The following KAZN variants were observed in gnomAD, a reference collection of about 807,000 sequenced individuals.
The protein encoded by KAZN is kazrin.
Under a neutral mutation model 87.4 loss-of-function variants are expected in KAZN, and 40 were observed. The ratio of observed to expected loss-of-function variants is 0.46; its 90% CI spans 0.36 to 0.60. The LOEUF (loss-of-function observed/expected upper bound fraction) is 0.60, where lower values mean the gene tolerates loss of function less well. Ranked by LOEUF, KAZN falls within the 20% of genes least tolerant of loss-of-function variation. The pLI, the probability that KAZN is intolerant of heterozygous loss-of-function variation, is 0.00. For missense variants in KAZN, 898 were observed against 1,073.9 expected, an observed-to-expected ratio of 0.84 and a Z score of 2.29; for synonymous variants, 466 against 458.3, an observed-to-expected ratio of 1.02 and a Z score of -0.22.
chr1:14,073,706 C>T (rs916274244), intron 1 of KAZN, among the ~76,000 whole-genome samples: 11 of 152,112 alleles, frequency 7.2e-5, no homozygotes, highest in African/African-American at 2.2e-4. Context: ...CAGCTTCATC[C>T]GTGTCCCTGC....
intron 2 of KAZN, among the ~76,000 whole-genome samples, chr1:14,253,238 A>T (rs6673156): frequency 6.6e-6 from 1 of 151,758 alleles, no homozygotes; most frequent in African/African-American, 2.4e-5. Context: ...CTTTTCTGCC[A>T]TATTATTACG....
intron 1 of KAZN, among the ~76,000 whole-genome samples, chr1:14,650,232 T>A (rs1296542557): frequency 2.0e-5 from 3 of 151,996 alleles, no homozygotes; most frequent in Non-Finnish European, 4.4e-5. Flanking sequence ...ATATTAAAAA[T>A]TTACAAGAAA....
At chr1:13,951,851 A>C (rs1229751042) in intron 1 of KAZN, among the ~76,000 whole-genome samples, 1 of 152,122 alleles carries the variant, frequency 6.6e-6, no homozygotes, top group Non-Finnish European at 1.5e-5. Flanking sequence ...CTCAAGTAAA[A>C]GTGCCTTAAG....
chr1:14,255,103 G>A (rs1207617006), intron 2 of KAZN, among the ~76,000 whole-genome samples: 4 of 117,844 alleles, frequency 3.4e-5, no homozygotes, highest in Non-Finnish European at 3.3e-5. Context: ...CTGGGCAACA[G>A]ACCAAGACTC....
At chr1:14,627,199 G>A (rs952377740) in intron 1 of KAZN, among the ~76,000 whole-genome samples, 10 of 151,912 alleles carry the variant, frequency 6.6e-5, no homozygotes, top group South Asian at 2.1e-4. Context: ...TTCTCAGAGC[G>A]GGAAGGGTGT....
At chr1:14,384,302 T>C (rs1252101541) in intron 2 of KAZN, among the ~76,000 whole-genome samples, 2 of 152,002 alleles carry the variant, frequency 1.3e-5, no homozygotes, top group African/African-American at 4.8e-5. Flanking sequence ...TTGAATACCC[T>C]TTATTTCCTT....
At position 14,269,582 on chromosome 1, in the gene KAZN, G is replaced by A. The variant is rs74872830; in HGVS notation, c.249+88990G>A. Among the ~76,000 whole-genome samples, 736 of 152,270 alleles carry A rather than the reference G, an allele frequency of 4.8e-3. 7 individuals are homozygous for A. Among genetic ancestry groups the A allele is most frequent in the African/African-American group, 0.017 (708 of 41,562 alleles). ...AAAAGCCTAGAATTGGAAGACAGTG[G>A]TAAAAACATGTGGGCTGGGTTGGAG... On this transcript the variant is annotated intron_variant, in intron 2 of 16. Coordinates refer to the KAZN transcript ENST00000636203.
At chr1:14,212,197 C>T (rs74419353) in intron 2 of KAZN, among the ~76,000 whole-genome samples, 18 of 152,190 alleles carry the variant, frequency 1.2e-4, no homozygotes, top group East Asian at 5.8e-4. Context: ...GTTATGCAGA[C>T]GGTTGGCATC....
rs543634072 is a variant in KAZN, at chr1:14,945,214, T to G, written c.227-15470T>G. 6.2e-3 allele frequency among the ~76,000 whole-genome samples: 941 copies of G among 152,330 alleles called. 4 individuals carry two copies. The highest frequency in any genetic ancestry group is 8.6e-3 in the Non-Finnish European group (587 of 68,030). ...CTGCAGGCCTCGCAGCTATAGATGG[T>G]GGAAGTCCAGTGCTGGAGGCTGAGT... On this transcript the variant is annotated intron_variant, in intron 1 of 14. Transcript: ENST00000376030.
Position 14,827,351 on chromosome 1 carries a change from C to T in KAZN, c.227-133333C>T, listed in dbSNP as rs377645719. 2.2e-4 allele frequency among the ~76,000 whole-genome samples: 34 copies of T among 152,132 alleles called. 1 individual carries two copies. The East Asian group carries it at 4.8e-3, about 22-fold the overall frequency. ...GGTGATTTGTGAGATTTTGGTGCAC[C>T]CATCACCCGAGCAGTGTACACTGAA... On this transcript the variant is annotated intron_variant, in intron 1 of 14. Transcript: ENST00000376030.
At chr1:14,378,920 G>C (rs1437405784) in intron 2 of KAZN, among the ~76,000 whole-genome samples, 1 of 151,702 alleles carries the variant, frequency 6.6e-6, no homozygotes, top group Non-Finnish European at 1.5e-5. Flanking sequence ...GGACAGCTAA[G>C]GGAGTGCATG....
chr1:14,447,520 T>G (rs12134939), intron 2 of KAZN, among the ~76,000 whole-genome samples: 39,830 of 152,068 alleles, frequency 0.26, 6,116 homozygotes, highest in Middle Eastern at 0.46. Flanking sequence ...ATTACAGGCA[T>G]GAGCCACCGC....
Position 14,658,062 on chromosome 1 carries a change from C to T in KAZN, c.226+58839C>T, listed in dbSNP as rs566860752. Among the ~76,000 whole-genome samples, 195 of 152,252 alleles carry T rather than the reference C, an allele frequency of 1.3e-3. 1 individual carries two copies. The highest frequency in any genetic ancestry group is 6.8e-3 in the Middle Eastern group (2 of 294). On this transcript the variant is annotated intron_variant, in intron 1 of 14. Transcript: ENST00000376030. ...CCCTGGAAAAGTCAGTGTCCTTAGG[C>T]AAAGCAATTGCACCTGGAGTCTTGT...
chr1:15,072,558 G>A (rs61772198), intron 8 of KAZN, among the ~76,000 whole-genome samples: 11,227 of 152,256 alleles, frequency 0.074, 502 homozygotes, highest in East Asian at 0.18. Flanking sequence ...CTGGAAGTCA[G>A]GGCTGCCTCA....
intron 2 of KAZN, among the ~76,000 whole-genome samples, chr1:14,587,794 G>A (rs554877140): frequency 1.3e-5 from 2 of 152,200 alleles, no homozygotes; most frequent in East Asian, 1.9e-4. Flanking sequence ...ATTTCATTTC[G>A]ACATGAGATT....
At chr1:14,420,139 A>G (rs1025957214) in intron 2 of KAZN, among the ~76,000 whole-genome samples, 6 of 152,230 alleles carry the variant, frequency 3.9e-5, no homozygotes, top group Admixed American at 1.3e-4. Context: ...GCTAGACACA[A>G]AAGTTCTCCA....
In KAZN at chr1:13,896,633, G is replaced by A. The variant is rs368140595; in HGVS notation, c.91+2877G>A. 3.0e-4 allele frequency among the ~76,000 whole-genome samples: 46 copies of A among 152,250 alleles called. 1 individual carries two copies. The East Asian group carries it at 3.1e-3, about 10-fold the overall frequency. On this transcript the variant is annotated intron_variant, in intron 1 of 16. Coordinates refer to the KAZN transcript ENST00000636203. Reference sequence around the variant, plus strand: ...ATCCTACCCAATTTCCATAGGCAAAGGAAATACACAGGGGTTGCCCGCATG... The same window carrying A: ...ATCCTACCCAATTTCCATAGGCAAAAGAAATACACAGGGGTTGCCCGCATG...
intron 1 of KAZN, among the ~76,000 whole-genome samples, chr1:14,134,905 A>G (rs1460340220): frequency 2.0e-5 from 3 of 152,082 alleles, no homozygotes; most frequent in South Asian, 4.2e-4. Context: ...ATTCAATGAC[A>G]TATTTTCCAA....
intron 1 of KAZN, among the ~76,000 whole-genome samples, chr1:14,048,467 G>A (rs111756199): frequency 1.5e-4 from 23 of 150,574 alleles, no homozygotes; most frequent in African/African-American, 4.2e-4. Flanking sequence ...GCAGTGGAGC[G>A]ATCTTGGCTC....
Sources: gnomAD v4.1 joint callset for allele counts (sites outside exome capture counted in the v4.1 genomes callset) on GRCh38, gnomAD v4.1.1 for gene constraint, MANE v1.5 for transcripts, NCBI Gene and HGNC (gene_info 2026-07-23, HGNC 2026-07-21) for gene names.